Variants in FBXL7 observed in about 807,000 individuals in gnomAD.
FBXL7 encodes F-box/LRR-repeat protein 7.
Under a neutral mutation model 38.3 loss-of-function variants are expected in FBXL7, and 12 were observed. That is an observed-to-expected ratio of 0.31 (90% CI 0.20 to 0.51). The LOEUF is 0.51. Among genes scored for constraint, FBXL7 ranks in the 20% least tolerant of loss-of-function variants. FBXL7 has a pLI of 0.98. For missense variants in FBXL7, 567 were observed against 676.4 expected (o/e 0.84, Z 1.79); for synonymous variants, 297 against 300.9 (o/e 0.99, Z 0.13).
At chr5:15,812,535 C>A (rs1737894280) in intron 2 of FBXL7, among the ~76,000 whole-genome samples, 1 of 151,960 alleles carries the variant, frequency 6.6e-6, no homozygotes. Context: ...TTACTGTAGC[C>A]TTGTAGTATA....
rs567472621 is a variant in FBXL7, at chr5:15,720,601, C to G, written c.127+104529C>G. Among the ~76,000 whole-genome samples, 4 of 148,090 alleles carry G rather than the reference C, an allele frequency of 2.7e-5. 1 individual carries two copies. The South Asian group carries it at 8.8e-4, about 33-fold the overall frequency. On this transcript the variant is annotated intron_variant, in intron 2 of 3. Coordinates refer to ENST00000504595, the MANE Select transcript of FBXL7 (RefSeq NM_012304.5). ...TATACCTAGCTAATTTTATTTCTGT[C>G]CCCATTTATTAACTTGAGCAATACT...
intron 2 of FBXL7, among the ~76,000 whole-genome samples, chr5:15,629,039 A>G (rs531275507): frequency 6.6e-6 from 1 of 152,006 alleles, no homozygotes; most frequent in South Asian, 2.1e-4. Context: ...GCACTTTGGG[A>G]GGCTGAGGTG....
chr5:15,936,074 C>T lies in FBXL7; in HGVS notation c.740-376C>T, dbSNP rs565680072. Among the ~76,000 whole-genome samples the T allele has an allele frequency of 3.2e-4, 48 of 152,310 alleles. 1 individual carries two copies. Among genetic ancestry groups the T allele is most frequent in the African/African-American group, 1.2e-3 (48 of 41,564 alleles). On this transcript the variant is annotated intron_variant, in intron 3 of 3. Transcript: ENST00000504595. This position sits in a 1 kb window ranked among gnomAD's most constrained non-coding sequence, Gnocchi z 6.0. ...AGGGCCAAGGCAAGATATTTACACACATCCTCTCATTACTCCATCCCAGCT... is the reference window on the plus strand; with the variant it reads ...AGGGCCAAGGCAAGATATTTACACATATCCTCTCATTACTCCATCCCAGCT...
intron 2 of FBXL7, among the ~76,000 whole-genome samples, chr5:15,851,320 C>G (rs1739087141): frequency 6.6e-6 from 1 of 152,104 alleles, no homozygotes; most frequent in Admixed American, 6.5e-5. Context: ...AAATGAAGTG[C>G]AAGTTGAAAA....
At chr5:15,830,895 G>A (rs531533598) in intron 2 of FBXL7, among the ~76,000 whole-genome samples, 15 of 152,168 alleles carry the variant, frequency 9.9e-5, no homozygotes, top group Non-Finnish European at 1.2e-4. Flanking sequence ...TTGCCCACCC[G>A]AGGGCAGATT....
intron 2 of FBXL7, among the ~76,000 whole-genome samples, chr5:15,847,949 G>A (rs771574612): frequency 6.6e-6 from 1 of 152,174 alleles, no homozygotes; most frequent in Non-Finnish European, 1.5e-5. Context: ...GAAAGGGGAC[G>A]CTTAGCACTG....
In FBXL7 at chr5:15,640,409, A is replaced by G. The variant is rs1210770401; in HGVS notation, c.127+24337A>G. ...TTCTTCTCTTTTAAGGACAGCAGTT[A>G]TAGAATTGAGGGTCCACTCTGCTGC... On this transcript the variant is annotated intron_variant, in intron 2 of 3. Transcript: ENST00000504595. Among the ~76,000 whole-genome samples the G allele has an allele frequency of 1.3e-5, 2 of 152,136 alleles. 1 individual carries two copies. Among genetic ancestry groups the G allele is most frequent in the Non-Finnish European group, 2.9e-5 (2 of 68,022 alleles).
intron 2 of FBXL7, among the ~76,000 whole-genome samples, chr5:15,914,125 G>A (rs1022683843): frequency 3.3e-5 from 5 of 152,124 alleles, no homozygotes; most frequent in South Asian, 2.1e-4. Context: ...GGTGGCTCAC[G>A]CCTGTAATCC....
At chr5:15,733,027 C>G (rs979576663) in intron 2 of FBXL7, among the ~76,000 whole-genome samples, 1 of 152,146 alleles carries the variant, frequency 6.6e-6, no homozygotes, top group South Asian at 2.1e-4. Flanking sequence ...CAAGCATGAT[C>G]GTGAGTACTA....
intron 2 of FBXL7, among the ~76,000 whole-genome samples, chr5:15,650,337 T>C (rs1199169288): frequency 6.6e-6 from 1 of 152,252 alleles, no homozygotes; most frequent in Non-Finnish European, 1.5e-5. Context: ...GTATAGACCT[T>C]AATTTTAAAA....
chr5:15,830,039 C>T (rs1033472626), intron 2 of FBXL7, among the ~76,000 whole-genome samples: 2 of 152,208 alleles, frequency 1.3e-5, no homozygotes, highest in African/African-American at 4.8e-5. Flanking sequence ...ACGTTTTTTG[C>T]CCAGATCTCC....
At chr5:15,608,403 T>C (rs1468286650) in intron 1 of FBXL7, among the ~76,000 whole-genome samples, 1 of 152,202 alleles carries the variant, frequency 6.6e-6, no homozygotes, top group Non-Finnish European at 1.5e-5. Flanking sequence ...GTTTGAGAGA[T>C]GTTCACCTGA....
At chr5:15,721,183 G>A (rs1579406482) in intron 2 of FBXL7, among the ~76,000 whole-genome samples, 1 of 152,034 alleles carries the variant, frequency 6.6e-6, no homozygotes, top group Non-Finnish European at 1.5e-5. Flanking sequence ...TCATTATAGG[G>A]ACTAGGCAAA....
intron 2 of FBXL7, among the ~76,000 whole-genome samples, chr5:15,652,972 A>G (rs1206301057): frequency 1.3e-5 from 2 of 152,220 alleles, no homozygotes; most frequent in African/African-American, 4.8e-5. Flanking sequence ...GCCTGTTTCA[A>G]AGTATCTCAT....
chr5:15,864,064 C>A (rs956588473), intron 2 of FBXL7, among the ~76,000 whole-genome samples: 5 of 151,986 alleles, frequency 3.3e-5, no homozygotes, highest in African/African-American at 9.7e-5. Context: ...GAAGAGTAAC[C>A]AAACTTGGCA....
intron 2 of FBXL7, among the ~76,000 whole-genome samples, chr5:15,681,347 G>C (rs768266202): frequency 6.6e-6 from 1 of 152,136 alleles, no homozygotes; most frequent in Admixed American, 6.5e-5. Flanking sequence ...AGGGGACTTT[G>C]TTAATAAAGA....
At chr5:15,806,138 A>G (rs898209191) in intron 2 of FBXL7, among the ~76,000 whole-genome samples, 1 of 152,220 alleles carries the variant, frequency 6.6e-6, no homozygotes, top group Non-Finnish European at 1.5e-5. Flanking sequence ...CACATGGAAC[A>G]ATTTAACAGA....
intron 2 of FBXL7, among the ~76,000 whole-genome samples, chr5:15,772,439 T>C (rs2126712070): frequency 6.6e-6 from 1 of 152,328 alleles, no homozygotes; most frequent in South Asian, 2.1e-4. Flanking sequence ...TCTCTTTCCA[T>C]GGCATAGAAG....
At chr5:15,824,400 G>GGT (rs1247466456) in intron 2 of FBXL7, among the ~76,000 whole-genome samples, 1 of 151,874 alleles carries the variant, frequency 6.6e-6, no homozygotes, top group African/African-American at 2.4e-5. Flanking sequence ...TATTTTCTCA[G>GGT]GTGTACTCCT....
Sources: gnomAD v4.1 joint callset for allele counts (sites outside exome capture counted in the v4.1 genomes callset) on GRCh38, gnomAD v4.1.1 for gene constraint, Gnocchi (gnomAD v3.1) non-coding constraint, MANE v1.5 for transcripts, NCBI Gene and HGNC (gene_info 2026-07-23, HGNC 2026-07-21) for gene names.